Variants in OXR1 observed in about 807,000 individuals in gnomAD.
The protein encoded by OXR1 is oxidation resistance 1, also known as oxidation resistance protein 1.
A neutral mutation model predicts 104.6 loss-of-function variants in OXR1; 41 were observed. The observed-to-expected ratio is 0.39, with a 90% confidence interval of 0.31 to 0.51. OXR1 has a LOEUF of 0.51. Among genes scored for constraint, OXR1 ranks in the 20% least tolerant of loss-of-function variants. OXR1 has a pLI of 0.77. For synonymous variants in OXR1, 348 were observed against 348.4 expected (o/e 1.00, Z 0.01); for missense variants, 955 against 1,031.9 (o/e 0.93, Z 1.02).
chr8:106,587,467 A>C (rs73311243), intron 3 of OXR1, among the ~76,000 whole-genome samples: 1 of 152,234 alleles, frequency 6.6e-6, no homozygotes, highest in Non-Finnish European at 1.5e-5. Context: ...ACACTCATAA[A>C]TATCTTAGCA....
intron 2 of OXR1, among the ~76,000 whole-genome samples, chr8:106,464,177 T>C (rs913565379): frequency 2.0e-5 from 3 of 152,132 alleles, no homozygotes; most frequent in African/African-American, 7.2e-5. Context: ...AGAAAGGTAC[T>C]GTATTCCACA....
chr8:106,306,606 T>C (rs1813474956), intron 1 of OXR1, among the ~76,000 whole-genome samples: 1 of 152,186 alleles, frequency 6.6e-6, no homozygotes, highest in African/African-American at 2.4e-5. Context: ...GAAAATGGTG[T>C]ACTGTTATAC....
intron 1 of OXR1, among the ~76,000 whole-genome samples, chr8:106,348,318 C>T (rs1463415287): frequency 1.3e-5 from 2 of 152,100 alleles, no homozygotes. Context: ...CACGCACACA[C>T]CCCTACCTAT....
At chr8:106,399,773 A>G (rs956807659) in intron 2 of OXR1, among the ~76,000 whole-genome samples, 4 of 152,108 alleles carry the variant, frequency 2.6e-5, no homozygotes, top group African/African-American at 9.7e-5. Context: ...AGTCAAGTAA[A>G]TTACTCAAGG....
In OXR1 at chr8:106,706,507, G is replaced by A; in HGVS notation, c.986G>A (p.Ser329Asn). ...GATAGTGCCAGCACTGCTCCTAGGA[G>A]CACTGAGGAGTCTCTTTCTGAAGAT... ...GNDSASTAPR[S>N]TEESLSEDVF... Residue 329 changes from serine (S) to asparagine (N), a missense_variant, in exon 9 of 17, where the codon AGC becomes AAC. Around this residue, in one of 2 missense-constraint regions of OXR1, gnomAD observed 849 missense variants for 852.9 expected, o/e 1.00. Transcript: ENST00000517566. 1.9e-6 allele frequency: 3 copies of A among 1,606,114 alleles called. No homozygotes were observed. The highest frequency in any genetic ancestry group is 2.5e-6 in the Non-Finnish European group (3 of 1,178,106).
intron 2 of OXR1, among the ~76,000 whole-genome samples, chr8:106,447,639 G>A (rs542603498): frequency 6.6e-6 from 1 of 152,284 alleles, no homozygotes; most frequent in East Asian, 1.9e-4. Context: ...ATATACTTGT[G>A]TTCCTTGGTT....
At position 106,726,958 on chromosome 8, in the gene OXR1, T is replaced by A. The variant is rs28924678; in HGVS notation, c.1957-10562T>A. ...TTGCTTATGAATGTTTATTTTATTT[T>A]CACTTAATTGTAGATGATTTAAAAT... On this transcript the variant is annotated intron_variant, in intron 11 of 16. Transcript: ENST00000517566. Among the ~76,000 whole-genome samples the A allele has an allele frequency of 8.5e-5, 13 of 152,342 alleles. No homozygotes were observed. The East Asian group carries it at 2.3e-3, about 27-fold the overall frequency.
At chr8:106,310,538 T>C (rs765819997) in intron 1 of OXR1, among the ~76,000 whole-genome samples, 81 of 152,186 alleles carry the variant, frequency 5.3e-4, no homozygotes, top group Non-Finnish European at 9.7e-4. Context: ...TTTTTCTTAG[T>C]TTTCTTCCTA....
chr8:106,563,551 C>T (rs1816850749), intron 3 of OXR1, among the ~76,000 whole-genome samples: 1 of 152,228 alleles, frequency 6.6e-6, no homozygotes, highest in Non-Finnish European at 1.5e-5. Context: ...GAGACTTTAA[C>T]ACTCCACTGT....
chr8:106,718,924 G>A (rs1832569629), intron 11 of OXR1, among the ~76,000 whole-genome samples: 1 of 151,726 alleles, frequency 6.6e-6, no homozygotes, highest in African/African-American at 2.4e-5. Flanking sequence ...AACAATCAAG[G>A]CACAAAATGA....
intron 2 of OXR1, among the ~76,000 whole-genome samples, chr8:106,492,532 G>A (rs980559816): frequency 5.3e-5 from 8 of 152,120 alleles, no homozygotes; most frequent in Non-Finnish European, 8.8e-5. Context: ...TTTGGCAGGC[G>A]TACCAAGTAG....
At chr8:106,438,417 C>A (rs1025902221) in intron 2 of OXR1, among the ~76,000 whole-genome samples, 2 of 152,074 alleles carry the variant, frequency 1.3e-5, no homozygotes, top group African/African-American at 4.8e-5. Context: ...TCAATCATTT[C>A]TATACTGACT....
At chr8:106,400,733 A>T (rs7003015) in intron 2 of OXR1, among the ~76,000 whole-genome samples, 8,533 of 152,246 alleles carry the variant, frequency 0.056, 853 homozygotes, top group African/African-American at 0.2. Context: ...AAGTATCTCC[A>T]TAATGAGATT....
chr8:106,295,878 C>T (rs1812974953), intron 1 of OXR1, among the ~76,000 whole-genome samples: 1 of 152,136 alleles, frequency 6.6e-6, no homozygotes, highest in Non-Finnish European at 1.5e-5. Context: ...CACATACCTC[C>T]ACATACTGAA....
At chr8:106,535,543 T>C (rs1814448284) in intron 3 of OXR1, among the ~76,000 whole-genome samples, 1 of 152,176 alleles carries the variant, frequency 6.6e-6, no homozygotes, top group South Asian at 2.1e-4. Flanking sequence ...AGGAGATAAA[T>C]CTCTGTTTCT....
intron 2 of OXR1, among the ~76,000 whole-genome samples, chr8:106,515,769 G>C (rs2130078255): frequency 6.6e-6 from 1 of 152,122 alleles, no homozygotes; most frequent in Non-Finnish European, 1.5e-5. Context: ...GGTGTTATTG[G>C]GAGGAACAAG....
intron 3 of OXR1, among the ~76,000 whole-genome samples, chr8:106,523,210 A>C (rs1292621769): frequency 6.6e-6 from 1 of 152,166 alleles, no homozygotes. Flanking sequence ...CTCTGCCTCA[A>C]CCAACCAAGA....
intron 16 of OXR1, among the ~76,000 whole-genome samples, chr8:106,746,288 A>G (rs756477599): frequency 5.0e-3 from 22 of 4,414 alleles, no homozygotes; most frequent in Non-Finnish European, 1.7e-3. Flanking sequence ...TATTTTAGAC[A>G]ATAATGGAAA....
intron 3 of OXR1, among the ~76,000 whole-genome samples, chr8:106,615,935 A>C (rs926898940): frequency 6.6e-6 from 1 of 152,046 alleles, no homozygotes; most frequent in African/African-American, 2.4e-5. Flanking sequence ...TATCATTGGC[A>C]TTACTTTAAT....
Sources: gnomAD v4.1 joint callset for allele counts (sites outside exome capture counted in the v4.1 genomes callset) on GRCh38, gnomAD v4.1.1 for gene constraint, gnomAD v4.1.1 regional missense constraint, MANE v1.5 for transcripts, NCBI Gene and HGNC (gene_info 2026-07-23, HGNC 2026-07-21) for gene names.